Variants in ATG7 observed in about 807,000 individuals in gnomAD.
ATG7 encodes autophagy related 7.
Under a neutral mutation model 82.4 loss-of-function variants are expected in ATG7, and 70 were observed. That is an observed-to-expected ratio of 0.85 (90% CI 0.70 to 1.04). The LOEUF (loss-of-function observed/expected upper bound fraction) is 1.04, where lower values mean the gene tolerates loss of function less well. Ranked by LOEUF, ATG7 falls within the 50% of genes least tolerant of loss-of-function variation. The pLI is 0.00. For synonymous variants in ATG7, 287 were observed against 313.0 expected, an observed-to-expected ratio of 0.92 and a Z score of 0.88; for missense variants, 792 against 864.3, an observed-to-expected ratio of 0.92 and a Z score of 1.05.
chr3:11,544,610 A>T (rs997668226), intron 20 of ATG7, among the ~76,000 whole-genome samples: 1 of 152,186 alleles, frequency 6.6e-6, no homozygotes, highest in Non-Finnish European at 1.5e-5. Flanking sequence ...GGATGCTCAC[A>T]GTGCTTGCCC....
intron 15 of ATG7, 138 bp from the exon 16 acceptor site, chr3:11,360,443 A>G (rs1158003935): frequency 1.2e-6 from 1 of 826,284 alleles, no homozygotes; most frequent in African/African-American, 1.7e-5. Flanking sequence ...GGTAGATTTT[A>G]TCATCATTAG....
intron 3 of ATG7, among the ~76,000 whole-genome samples, chr3:11,284,282 T>C (rs965622158): frequency 1.3e-5 from 2 of 152,188 alleles, no homozygotes; most frequent in Non-Finnish European, 2.9e-5. Context: ...GGAGAATGGT[T>C]GGGCGGTCTC....
At position 11,404,806 on chromosome 3, in the gene ATG7, A is replaced by G. The variant is rs554195001; in HGVS notation, c.1957-21998A>G. ...GGGCTTGTGGAGGGGAACTCCCTTT[A>G]TAAAACCATCAGATCTCGTGAGACT... On this transcript the variant is annotated intron_variant, in intron 19 of 20. Transcript: ENST00000693202. Among the ~76,000 whole-genome samples the G allele has an allele frequency of 2.6e-5, 4 of 152,204 alleles. No homozygotes were observed. In the South Asian group the frequency reaches 8.3e-4, roughly 32 times the overall value.
At chr3:11,379,668 T>TA (rs1275573722) in intron 18 of ATG7, among the ~76,000 whole-genome samples, 1 of 152,200 alleles carries the variant, frequency 6.6e-6, no homozygotes, top group Non-Finnish European at 1.5e-5. Flanking sequence ...AGACATTTGT[T>TA]AAAAAATACT....
chr3:11,425,686 T>C (rs1385549216), intron 19 of ATG7, among the ~76,000 whole-genome samples: 1 of 151,170 alleles, frequency 6.6e-6, no homozygotes, highest in East Asian at 1.9e-4. Flanking sequence ...GGATAACATA[T>C]ATCCAAAAAA....
intron 19 of ATG7, among the ~76,000 whole-genome samples, chr3:11,424,401 C>T (rs1191431308): frequency 6.6e-6 from 1 of 151,718 alleles, no homozygotes; most frequent in Non-Finnish European, 1.5e-5. Flanking sequence ...ATCACCTGAA[C>T]CCAGGAGGTT....
intron 3 of ATG7, among the ~76,000 whole-genome samples, chr3:11,288,386 T>C (rs1027360728): frequency 1.3e-5 from 2 of 152,216 alleles, no homozygotes; most frequent in Non-Finnish European, 2.9e-5. Context: ...CCAGGCACTG[T>C]GCTCAGTCCT....
chr3:11,357,298 G>T lies in ATG7; in HGVS notation c.1285-1120G>T, dbSNP rs139033291. On this transcript the variant is annotated intron_variant, in intron 14 of 20. Coordinates refer to ENST00000693202, the MANE Select transcript of ATG7 (RefSeq NM_001349232.2). ...CACTGTTAATGTGCCAAAATATTAT[G>T]TGGTCATCAAGGGGCAGATGGTAAA... Among the ~76,000 whole-genome samples the T allele has an allele frequency of 4.7e-3, 722 of 152,248 alleles. 6 individuals are homozygous for T. Among genetic ancestry groups the T allele is most frequent in the African/African-American group, 0.017 (692 of 41,540 alleles).
chr3:11,560,116 ATC>A (rs1356898145), downstream of ATG7, among the ~76,000 whole-genome samples: 6 of 151,532 alleles, frequency 4.0e-5, no homozygotes, highest in East Asian at 1.9e-4. Context: ...CCCTGTTCAG[ATC>A]TCTCTCTGAA....
intron 19 of ATG7, among the ~76,000 whole-genome samples, chr3:11,400,223 T>C (rs370233811): frequency 1.8e-3 from 274 of 152,260 alleles, no homozygotes; most frequent in African/African-American, 6.4e-3. Flanking sequence ...TCATCAACCT[T>C]AGGCTGTAAG....
chr3:11,326,436 C>A (rs1024206068), intron 9 of ATG7, among the ~76,000 whole-genome samples: 1 of 152,040 alleles, frequency 6.6e-6, no homozygotes, highest in South Asian at 2.1e-4. Flanking sequence ...GTAGCTGGGA[C>A]TACAGGTGCC....
the ATG7 span, among the ~76,000 whole-genome samples, chr3:11,563,697 A>G: frequency 6.6e-6 from 1 of 152,226 alleles, no homozygotes. Context: ...GCGTGCTGAG[A>G]ACAAAAACTG....
At chr3:11,377,602 A>G (rs930446000) in intron 18 of ATG7, among the ~76,000 whole-genome samples, 17 of 152,242 alleles carry the variant, frequency 1.1e-4, no homozygotes, top group Admixed American at 9.8e-4. Flanking sequence ...AGTTTGATGA[A>G]AACCATATTA....
At chr3:11,490,821 G>C (rs28766440) in intron 20 of ATG7, among the ~76,000 whole-genome samples, 1 of 152,196 alleles carries the variant, frequency 6.6e-6, no homozygotes, top group South Asian at 2.1e-4. Context: ...CTGGCTTGTA[G>C]AGTTTCTGCT....
At chr3:11,356,165 G>T (rs1387184418) in intron 14 of ATG7, among the ~76,000 whole-genome samples, 2 of 152,204 alleles carry the variant, frequency 1.3e-5, no homozygotes, top group East Asian at 3.8e-4. Flanking sequence ...GACCGACTGA[G>T]GGGGAGCACA....
chr3:11,483,186 C>A (rs2089218125), intron 20 of ATG7, among the ~76,000 whole-genome samples: 1 of 152,116 alleles, frequency 6.6e-6, no homozygotes, highest in Non-Finnish European at 1.5e-5. Flanking sequence ...TTCTCCCCGT[C>A]CCCCTGCCCC....
At position 11,362,956 on chromosome 3, in the gene ATG7, T is replaced by G; in HGVS notation, c.1799+28T>G. Reference sequence around the variant, plus strand: ...GAGTTTGCTAGTAGGAGATGAGTATTTAAACAAAGCTTTTGTAGGCAGTTG... The same window carrying G: ...GAGTTTGCTAGTAGGAGATGAGTATGTAAACAAAGCTTTTGTAGGCAGTTG... On this transcript the variant is annotated intron_variant, in intron 17 of 20. Coordinates refer to ENST00000693202, the MANE Select transcript of ATG7 (RefSeq NM_001349232.2). 3 of 1,595,336 alleles carry G rather than the reference T, an allele frequency of 1.9e-6. No individual in the cohort carries two copies. The South Asian group carries it at 3.4e-5, about 18-fold the overall frequency.
chr3:11,377,896 C>G (rs2077540588), intron 18 of ATG7, among the ~76,000 whole-genome samples: 3 of 152,100 alleles, frequency 2.0e-5, no homozygotes, highest in African/African-American at 7.2e-5. Context: ...GAATAGCAAA[C>G]TTATGACCCT....
intron 20 of ATG7, among the ~76,000 whole-genome samples, chr3:11,527,025 A>ATG (rs1172153865): frequency 3.4e-5 from 5 of 146,100 alleles, no homozygotes; most frequent in South Asian, 2.2e-4. Flanking sequence ...TAGTATATAT[A>ATG]TGTGTGTGTG....
Sources: gnomAD v4.1 joint callset for allele counts (sites outside exome capture counted in the v4.1 genomes callset) on GRCh38, gnomAD v4.1.1 for gene constraint, MANE v1.5 for transcripts, NCBI Gene and HGNC (gene_info 2026-07-23, HGNC 2026-07-21) for gene names.